Variants in LEMD1 observed in about 807,000 individuals in gnomAD.
LEMD1 encodes the protein LEM domain-containing protein 1.
In LEMD1, 18 loss-of-function variants were observed where a neutral mutation model predicts 17.4. That is an observed-to-expected ratio of 1.04 (90% confidence interval 0.72 to 1.54). The LOEUF is 1.54. LEMD1 is among the 40% of genes most tolerant of loss of function. The probability of loss-of-function intolerance (pLI) is 0.00; values close to 1 mark genes in which losing one functional copy is unlikely to be tolerated. For synonymous variants in LEMD1, 88 were observed against 77.8 expected, an observed-to-expected ratio of 1.13 and a Z score of -0.69; for missense variants, 195 against 210.4, an observed-to-expected ratio of 0.93 and a Z score of 0.45.
rs1216006506 is a variant in LEMD1 at position 205,382,714 on chromosome 1, A to G, written c.348-858T>C. Among the ~76,000 whole-genome samples the G allele has an allele frequency of 1.3e-5, 2 of 152,194 alleles. 1 individual carries two copies. Among genetic ancestry groups the G allele is most frequent in the Admixed American group, 1.3e-4 (2 of 15,268 alleles). Reference sequence around the variant, plus strand: ...TTGGCACAGGCCTTGCAGATCCCCAAGTCCTCGCTGGGAAATTGTATAAGT... The same window carrying G: ...TTGGCACAGGCCTTGCAGATCCCCAGGTCCTCGCTGGGAAATTGTATAAGT... On this transcript the variant is annotated intron_variant, in intron 5 of 5. Coordinates refer to ENST00000367153, the MANE Select transcript of LEMD1 (RefSeq NM_001199050.2).
In LEMD1 at chr1:205,381,562, G is replaced by C. The variant is rs892982209; in HGVS notation, c.*96C>G. Reference sequence around the variant, plus strand: ...GTGCAAGGGAAGGCTCCCTGCAAGGGAGGGCTGCAGGCTAGGCTGGCCCTT... The same window carrying C: ...GTGCAAGGGAAGGCTCCCTGCAAGGCAGGGCTGCAGGCTAGGCTGGCCCTT... On this transcript the variant is annotated 3_prime_UTR_variant, in exon 6 of 6. Coordinates refer to ENST00000367153, the MANE Select transcript of LEMD1 (RefSeq NM_001199050.2). 16 of 1,178,064 alleles carry C rather than the reference G, an allele frequency of 1.4e-5. No homozygotes were observed. The highest frequency in any genetic ancestry group is 2.0e-5 in the Non-Finnish European group (16 of 790,044). The allele number at this position is 1,178,064 out of a possible 1,614,324, so 73.0% of individuals were successfully genotyped here. A position where few individuals can be genotyped will look rare whatever the true frequency, so the allele number is the denominator to read the frequency against.
chr1:205,413,669 T>C (rs572146558), intron 4 of LEMD1, among the ~76,000 whole-genome samples: 2 of 149,786 alleles, frequency 1.3e-5, no homozygotes, highest in South Asian at 2.1e-4. Context: ...TTTTTTTTTT[T>C]GAGAGTCTCC....
intron 1 of LEMD1, chr1:205,437,222 AG>A (rs1332209967): frequency 2.0e-5 from 3 of 152,386 alleles, no homozygotes; most frequent in African/African-American, 7.2e-5. Context: ...AGCTGTGCAA[AG>A]GGAAGCCCAT....
intron 4 of LEMD1, among the ~76,000 whole-genome samples, chr1:205,415,808 G>A (rs1041482434): frequency 2.0e-5 from 3 of 152,298 alleles, no homozygotes; most frequent in Admixed American, 6.5e-5. Context: ...TCACACATTT[G>A]GCCGTGTGCT....
intron 4 of LEMD1, chr1:205,386,889 A>G (rs1664058018): frequency 6.6e-6 from 1 of 152,236 alleles, no homozygotes; most frequent in Non-Finnish European, 1.5e-5. Flanking sequence ...TGGAAAAATC[A>G]TTTATAAGCA....
chr1:205,433,926 G>C lies in LEMD1; in HGVS notation c.-38-13352C>G, dbSNP rs139964340. Among the ~76,000 whole-genome samples, 546 of 152,288 alleles carry C rather than the reference G, an allele frequency of 3.6e-3. 6 individuals carry two copies. The highest frequency in any genetic ancestry group is 0.012 in the African/African-American group (513 of 41,564). ...GCTTTGGGGTTAGACTTGATGGCCT[G>C]ATCTCTCCGCCCTCTCTCAGGGCGT... On this transcript the variant is annotated intron_variant, in intron 1 of 3. Coordinates refer to the LEMD1 transcript ENST00000367154.
At chr1:205,391,946 G>GA (rs60047814) in intron 4 of LEMD1, among the ~76,000 whole-genome samples, 4,339 of 109,802 alleles carry the variant, frequency 0.04, 127 homozygotes, top group African/African-American at 0.081. Flanking sequence ...CGTCTCTACC[G>GA]AAAAAAAAAA....
At chr1:205,442,891 C>T (rs769592500) in intron 1 of LEMD1, among the ~76,000 whole-genome samples, 2 of 152,168 alleles carry the variant, frequency 1.3e-5, no homozygotes, top group Non-Finnish European at 2.9e-5. Context: ...GGGTTCTATT[C>T]CTGGCTCTGA....
chr1:205,399,113 G>A (rs1323890132), intron 4 of LEMD1, among the ~76,000 whole-genome samples: 24 of 151,978 alleles, frequency 1.6e-4, no homozygotes, highest in Admixed American at 1.6e-3. Flanking sequence ...TACTCGGGAG[G>A]TTGAGGCAGG....
rs1005622595 is a variant in LEMD1 at position 205,441,920 on chromosome 1, T to C, written c.-39+7948A>G. 1.3e-5 allele frequency among the ~76,000 whole-genome samples: 2 copies of C among 152,168 alleles called. 1 individual carries two copies. The highest frequency in any genetic ancestry group is 4.1e-4 in the South Asian group (2 of 4,828). ...GAGCCAGGGGCCGCTCTGGTATCTGTTGCAGTCTGGCTGGGGAAGAGAGGG... is the reference window on the plus strand; with the variant it reads ...GAGCCAGGGGCCGCTCTGGTATCTGCTGCAGTCTGGCTGGGGAAGAGAGGG... On this transcript the variant is annotated intron_variant, in intron 1 of 3. Coordinates refer to the LEMD1 transcript ENST00000367154. The surrounding 1 kb of genome is among the most constrained non-coding windows in gnomAD (Gnocchi z 4.3).
chr1:205,423,471 C>T (rs895155171), upstream of LEMD1, among the ~76,000 whole-genome samples: 2 of 152,192 alleles, frequency 1.3e-5, no homozygotes, highest in African/African-American at 4.8e-5. Flanking sequence ...AACAGTTAGA[C>T]TATTGGGATG....
chr1:205,412,912 T>G (rs1665517445), intron 4 of LEMD1, among the ~76,000 whole-genome samples: 1 of 152,358 alleles, frequency 6.6e-6, no homozygotes, highest in East Asian at 1.9e-4. Flanking sequence ...GCAGCATCTT[T>G]GCAGGAACTA....
intron 1 of LEMD1, among the ~76,000 whole-genome samples, chr1:205,442,727 GTATA>G (rs1440485361): frequency 6.6e-6 from 1 of 152,212 alleles, no homozygotes; most frequent in African/African-American, 2.4e-5. Context: ...CTCTGGTGGA[GTATA>G]TATAGTTAGC....
intron 1 of LEMD1, among the ~76,000 whole-genome samples, chr1:205,434,410 G>A (rs1666173503): frequency 6.6e-6 from 1 of 150,884 alleles, no homozygotes; most frequent in Non-Finnish European, 1.5e-5. Flanking sequence ...ATGTTGCCCA[G>A]GCTGGTCTTA....
Position 205,419,283 on chromosome 1 carries a change from AC to A in LEMD1, c.151del (p.Val51Ter). ...LLVSPPCAPP[V>X]MNGPRELDGA... ...ATCCAGCTCTCTGGGTCCATTCATC[AC>A]AGGTGGTGCACAGGGAGGTGAGACC... is the stretch of plus-strand genomic sequence containing the variant. On this transcript the variant is annotated frameshift_variant, in exon 3 of 6. Coordinates refer to ENST00000367153, the MANE Select transcript of LEMD1 (RefSeq NM_001199050.2). LOFTEE classifies it high-confidence loss of function. 1 of 1,614,188 alleles carries A rather than the reference AC, an allele frequency of 6.2e-7. No homozygotes were observed. Among genetic ancestry groups the A allele is most frequent in the Non-Finnish European group, 8.5e-7 (1 of 1,180,014 alleles).
intron 1 of LEMD1, among the ~76,000 whole-genome samples, chr1:205,421,417 G>A (rs561681374): frequency 6.6e-6 from 1 of 152,320 alleles, no homozygotes; most frequent in South Asian, 2.1e-4. Context: ...TAATACTGCA[G>A]TGGAAACAAC....
intron 4 of LEMD1, among the ~76,000 whole-genome samples, chr1:205,407,456 C>G (rs1665173269): frequency 6.6e-6 from 1 of 151,716 alleles, no homozygotes; most frequent in Non-Finnish European, 1.5e-5. Flanking sequence ...GCGTAAGTAA[C>G]AGAACCTCCA....
intron 4 of LEMD1, among the ~76,000 whole-genome samples, chr1:205,389,037 C>CTTTTT (rs61341380): frequency 0.014 from 1,067 of 77,872 alleles, 71 homozygotes; most frequent in Non-Finnish European, 0.018. Flanking sequence ...CATTTGCTTT[C>CTTTTT]TTTTTTTTTT....
chr1:205,444,134 C>T (rs1009608579), intron 1 of LEMD1, among the ~76,000 whole-genome samples: 4 of 152,078 alleles, frequency 2.6e-5, no homozygotes, highest in Admixed American at 6.5e-5. Flanking sequence ...CCCATCCTCC[C>T]CCTCCTTTTC....
Sources: gnomAD v4.1 joint callset for allele counts (sites outside exome capture counted in the v4.1 genomes callset) on GRCh38, gnomAD v4.1.1 for gene constraint, Gnocchi (gnomAD v3.1) non-coding constraint, MANE v1.5 for transcripts, NCBI Gene and HGNC (gene_info 2026-07-23, HGNC 2026-07-21) for gene names.